The following VPS37A variants were observed in gnomAD, a reference collection of about 807,000 sequenced individuals.
VPS37A encodes the protein vacuolar protein sorting-associated protein 37A.
Under a neutral mutation model 49.8 loss-of-function variants are expected in VPS37A, and 30 were observed. The ratio of observed to expected loss-of-function variants is 0.60; its 90% CI spans 0.45 to 0.82. VPS37A has a LOEUF of 0.82. VPS37A is among the 40% of genes least tolerant of loss of function. The pLI is 0.00. For synonymous variants in VPS37A, 195 were observed against 160.6 expected, an observed-to-expected ratio of 1.21 and a Z score of -1.62; for missense variants, 593 against 464.4, an observed-to-expected ratio of 1.28 and a Z score of -2.55.
At chr8:17,311,621 C>T in the VPS37A span, 2 of 1,614,134 alleles carry the variant, frequency 1.2e-6, no homozygotes, top group Non-Finnish European at 1.7e-6. Context: ...ACACTTGCCC[C>T]TTCCTCTGAC....
At chr8:17,299,699 C>G (rs1816973587), downstream of VPS37A, 1 of 886,878 alleles carries the variant, frequency 1.1e-6, no homozygotes, top group Non-Finnish European at 1.7e-6. Context: ...TCTTCAGTAT[C>G]TAAGAAATCA....
At chr8:17,309,200 C>T in the VPS37A span, 2 of 992,812 alleles carry the variant, frequency 2.0e-6, no homozygotes, top group South Asian at 1.4e-5. Context: ...GACGATTTTC[C>T]CCTAAATATT....
chr8:17,259,486 G>T (rs2150360085), intron 1 of VPS37A, among the ~76,000 whole-genome samples: 1 of 152,120 alleles, frequency 6.6e-6, no homozygotes, highest in South Asian at 2.1e-4. Flanking sequence ...TTGTTTTCTG[G>T]CCTAAGATAT....
the VPS37A span, among the ~76,000 whole-genome samples, chr8:17,318,678 T>G: frequency 1.3e-5 from 2 of 152,210 alleles, no homozygotes; most frequent in Admixed American, 6.5e-5. Context: ...GGTTAGGGTC[T>G]GCTACAGGTA....
intron 6 of VPS37A, among the ~76,000 whole-genome samples, chr8:17,278,037 A>G (rs1230917628): frequency 1.3e-5 from 2 of 152,078 alleles, no homozygotes; most frequent in Non-Finnish European, 2.9e-5. Flanking sequence ...TATTTGTCCT[A>G]TAAAATTTTC....
At chr8:17,310,134 A>T in the VPS37A span, among the ~76,000 whole-genome samples, 1 of 152,032 alleles carries the variant, frequency 6.6e-6, no homozygotes, top group Non-Finnish European at 1.5e-5. Flanking sequence ...AGTAGCTGGG[A>T]CCACAGGTGG....
intron 6 of VPS37A, chr8:17,279,784 A>G (rs1220505128): frequency 5.4e-6 from 3 of 551,078 alleles, no homozygotes; most frequent in African/African-American, 3.7e-5. Context: ...AGATATATCG[A>G]TATATCCATT....
At chr8:17,254,939 A>C (rs1812303657) in intron 1 of VPS37A, among the ~76,000 whole-genome samples, 1 of 152,154 alleles carries the variant, frequency 6.6e-6, no homozygotes, top group Non-Finnish European at 1.5e-5. Context: ...TTTTATTTGC[A>C]AGATTCACCT....
chr8:17,254,173 G>A (rs987078895), intron 1 of VPS37A, among the ~76,000 whole-genome samples: 8 of 151,992 alleles, frequency 5.3e-5, no homozygotes, highest in African/African-American at 1.9e-4. Context: ...CTGTTGACTT[G>A]TTTGTGAATA....
At chr8:17,323,590 T>C in the VPS37A span, among the ~76,000 whole-genome samples, 12 of 152,154 alleles carry the variant, frequency 7.9e-5, no homozygotes, top group Admixed American at 2.0e-4. Context: ...AAGACTGAGA[T>C]GGTGGCTGCC....
chr8:17,287,568 C>T lies in VPS37A; in HGVS notation c.*1141C>T, dbSNP rs566211056. On this transcript the variant is annotated intron_variant, in intron 11 of 11. Transcript: ENST00000324849. ...TGGCAGGCACCTGTAGTCTCAGCTACTCGGGAGGCTGAGGCAGGAGAATGG... is the reference window on the plus strand; with the variant it reads ...TGGCAGGCACCTGTAGTCTCAGCTATTCGGGAGGCTGAGGCAGGAGAATGG... Among the ~76,000 whole-genome samples the T allele has an allele frequency of 2.0e-4, 31 of 151,968 alleles. No individual in the cohort carries two copies. The South Asian group carries it at 2.7e-3, about 13-fold the overall frequency.
chr8:17,291,540 T>C (rs1225779389), intron 11 of VPS37A, among the ~76,000 whole-genome samples: 1 of 152,016 alleles, frequency 6.6e-6, no homozygotes, highest in Non-Finnish European at 1.5e-5. Flanking sequence ...TTGCTCTTGC[T>C]TCTCTAATTC....
Position 17,280,058 on chromosome 8 carries a change from A to G in VPS37A, c.744A>G (p.Gln248=), listed in dbSNP as rs1244153649. Residue 248 remains glutamine, a synonymous_variant, in exon 7 of 12, where the codon CAA becomes CAG. Transcript: ENST00000324849. ...SVSQLTDMNE[Q]EEVLLEQFLT... ...CACAACTCACAGATATGAATGAACA[A>G]GAGGAGGTATTACTAGAACAGTTTC... 1 of 1,612,120 alleles carries G rather than the reference A, an allele frequency of 6.2e-7. No individual in the cohort carries two copies. Among genetic ancestry groups the G allele is most frequent in the Admixed American group, 1.7e-5 (1 of 59,900 alleles).
In VPS37A at chr8:17,268,853, C is replaced by T. The variant is rs1186238507; in HGVS notation, c.316-3C>T. 1.3e-6 allele frequency: 2 copies of T among 1,587,866 alleles called. No homozygotes were observed. The highest frequency in any genetic ancestry group is 4.5e-5 in the East Asian group (2 of 44,452). On this transcript the variant is annotated splice_region_variant and splice_polypyrimidine_tract_variant and intron_variant, in intron 3 of 11. Coordinates refer to ENST00000324849, the MANE Select transcript of VPS37A (RefSeq NM_152415.3). Reference sequence around the variant, plus strand: ...TTTAAGCGTCATGTATTGTTACTTTCAGTTTACAATGCACTCAGATCTTGG... The same window carrying T: ...TTTAAGCGTCATGTATTGTTACTTTTAGTTTACAATGCACTCAGATCTTGG...
chr8:17,327,180 A>G, the VPS37A span, among the ~76,000 whole-genome samples: 1 of 152,234 alleles, frequency 6.6e-6, no homozygotes, highest in Non-Finnish European at 1.5e-5. Flanking sequence ...GTGAAGTAAA[A>G]TTAATCAGTC....
chr8:17,322,024 AGTC>A, the VPS37A span, among the ~76,000 whole-genome samples: 1 of 150,038 alleles, frequency 6.7e-6, no homozygotes, highest in African/African-American at 2.5e-5. Context: ...GTGCAGAAAA[AGTC>A]TCCATTTGAA....
intron 1 of VPS37A, among the ~76,000 whole-genome samples, chr8:17,264,988 C>T (rs545064750): frequency 3.2e-4 from 49 of 152,252 alleles, no homozygotes; most frequent in African/African-American, 1.1e-3. Flanking sequence ...AATTATATTA[C>T]CTGCCAATAC....
chr8:17,271,930 G>A (rs1814030180), intron 4 of VPS37A: 1 of 451,500 alleles, frequency 2.2e-6, no homozygotes, highest in South Asian at 1.6e-5. Context: ...TCAAATCCAG[G>A]AAATCTCATC....
At chr8:17,264,786 T>C (rs1813290481) in intron 1 of VPS37A, among the ~76,000 whole-genome samples, 1 of 152,204 alleles carries the variant, frequency 6.6e-6, no homozygotes, top group Admixed American at 6.5e-5. Context: ...AAGCTTCCTC[T>C]GCAACCTCAC....
Sources: gnomAD v4.1 joint callset for allele counts (sites outside exome capture counted in the v4.1 genomes callset) on GRCh38, gnomAD v4.1.1 for gene constraint, MANE v1.5 for transcripts, NCBI Gene and HGNC (gene_info 2026-07-23, HGNC 2026-07-21) for gene names.